GPC5: variants seen among roughly 807,000 people sequenced by gnomAD.
GPC5 encodes glypican 5, also known as glypican-5.
In GPC5, 47 loss-of-function variants were observed where a neutral mutation model predicts 53.9. That is an observed-to-expected ratio of 0.87 (90% CI 0.69 to 1.11). GPC5 has a LOEUF of 1.11. Ranked by LOEUF, GPC5 falls within the 50% of genes most tolerant of loss-of-function variation. The pLI is 0.00. For missense variants in GPC5, 748 were observed against 713.1 expected (o/e 1.05, Z -0.56); for synonymous variants, 286 against 263.3 (o/e 1.09, Z -0.84).
At chr13:92,547,197 T>C (rs1435941620) in intron 7 of GPC5, among the ~76,000 whole-genome samples, 2 of 152,194 alleles carry the variant, frequency 1.3e-5, no homozygotes, top group Non-Finnish European at 2.9e-5. Flanking sequence ...AAGGGAAATA[T>C]TAATGTTAGT....
intron 7 of GPC5, among the ~76,000 whole-genome samples, chr13:92,206,189 A>G (rs528071931): frequency 3.7e-4 from 50 of 133,582 alleles, no homozygotes; most frequent in African/African-American, 1.2e-3. Flanking sequence ...TTTTTGAGAC[A>G]GAGTCTCGGT....
intron 5 of GPC5, among the ~76,000 whole-genome samples, chr13:91,900,103 A>C (rs1594650701): frequency 6.6e-6 from 1 of 152,192 alleles, no homozygotes; most frequent in Non-Finnish European, 1.5e-5. Context: ...TAATGTAGCC[A>C]GAAGCTTTTT....
At chr13:92,603,007 T>G (rs1884131992) in intron 7 of GPC5, among the ~76,000 whole-genome samples, 1 of 152,200 alleles carries the variant, frequency 6.6e-6, no homozygotes. Context: ...ATGTGCAAAG[T>G]GTTGCCTGCC....
chr13:92,632,413 T>C (rs1885269176), intron 7 of GPC5, among the ~76,000 whole-genome samples: 2 of 149,406 alleles, frequency 1.3e-5, no homozygotes, highest in African/African-American at 4.9e-5. Context: ...GCAAGTTATT[T>C]CTAACATTAT....
intron 2 of GPC5, among the ~76,000 whole-genome samples, chr13:91,497,373 T>G (rs1211202993): frequency 6.6e-6 from 1 of 152,200 alleles, no homozygotes; most frequent in African/African-American, 2.4e-5. Context: ...TAATCTGGAC[T>G]AGCAACTTTG....
intron 7 of GPC5, chr13:92,720,000 G>A (rs1194309151): frequency 6.6e-6 from 1 of 152,176 alleles, no homozygotes; most frequent in Non-Finnish European, 1.5e-5. Context: ...AAGAGTGCTT[G>A]TTATTCTGTT....
intron 7 of GPC5, among the ~76,000 whole-genome samples, chr13:92,440,540 T>C (rs577871612): frequency 6.6e-6 from 1 of 152,308 alleles, no homozygotes; most frequent in East Asian, 1.9e-4. Context: ...TTTGCTATTG[T>C]GAACAGTGTG....
At chr13:92,831,951 T>C (rs1222549737) in intron 7 of GPC5, among the ~76,000 whole-genome samples, 1 of 152,190 alleles carries the variant, frequency 6.6e-6, no homozygotes, top group Non-Finnish European at 1.5e-5. Flanking sequence ...CACTCATCCC[T>C]AAATCCATTA....
chr13:91,666,049 C>A (rs969434728), intron 2 of GPC5, among the ~76,000 whole-genome samples: 12 of 152,170 alleles, frequency 7.9e-5, no homozygotes, highest in African/African-American at 2.9e-4. Flanking sequence ...CAAAGAAGCC[C>A]ATTCTATTTT....
intron 6 of GPC5, among the ~76,000 whole-genome samples, chr13:91,930,326 AG>A (rs2039809648): frequency 6.6e-6 from 1 of 152,146 alleles, no homozygotes; most frequent in African/African-American, 2.4e-5. Flanking sequence ...AAAGGAATAA[AG>A]AAAAAACACA....
intron 5 of GPC5, among the ~76,000 whole-genome samples, chr13:91,896,117 ATTTTT>A (rs1185370619): frequency 1.6e-5 from 2 of 128,008 alleles, no homozygotes; most frequent in Admixed American, 7.8e-5. Context: ...ATTTTTTCTA[ATTTTT>A]TTTTTTTTTT....
At chr13:92,017,897 C>G (rs1405089519) in intron 6 of GPC5, among the ~76,000 whole-genome samples, 1 of 151,692 alleles carries the variant, frequency 6.6e-6, no homozygotes, top group Non-Finnish European at 1.5e-5. Context: ...CCACAAAATA[C>G]ACACGTACAC....
intron 2 of GPC5, among the ~76,000 whole-genome samples, chr13:91,501,004 TG>T (rs1279013398): frequency 6.6e-6 from 1 of 152,138 alleles, no homozygotes; most frequent in African/African-American, 2.4e-5. Flanking sequence ...CTGCCGTGAT[TG>T]GGAGGCCTCC....
At chr13:91,461,066 G>A (rs187462825) in intron 2 of GPC5, among the ~76,000 whole-genome samples, 1 of 152,266 alleles carries the variant, frequency 6.6e-6, no homozygotes, top group East Asian at 1.9e-4. Context: ...GACCCAGAGA[G>A]TGAGAACAGT....
Position 92,347,882 on chromosome 13 carries a change from T to TATATATATTATATATATAA in GPC5, c.1561+202893_1561+202894insATATATATTATATATATAA, listed in dbSNP as rs1491589093. The stretch of plus-strand genomic sequence containing the variant: ...ATATATATTATATATATAATATATA[T>TATATATATTATATATATAA]TATATATATTATATATATAATATAT... On this transcript the variant is annotated intron_variant, in intron 7 of 7. Coordinates refer to ENST00000377067, the MANE Select transcript of GPC5 (RefSeq NM_004466.6). Among the ~76,000 whole-genome samples, 8 of 2,336 alleles carry TATATATATTATATATATAA rather than the reference T, an allele frequency of 3.4e-3. 1 individual carries two copies. The highest frequency in any genetic ancestry group is 0.019 in the South Asian group (1 of 54). 1.5% of individuals were successfully genotyped at this position (2,336 alleles called of 152,430 possible). A position where few individuals can be genotyped will look rare whatever the true frequency, so the allele number is the denominator to read the frequency against.
intron 2 of GPC5, among the ~76,000 whole-genome samples, chr13:91,572,257 A>ATGTG (rs2031951688): frequency 6.8e-6 from 1 of 146,324 alleles, no homozygotes; most frequent in Non-Finnish European, 1.5e-5. Context: ...ATATATACAC[A>ATGTG]TATGTATATA....
intron 2 of GPC5, among the ~76,000 whole-genome samples, chr13:91,581,392 T>C (rs910582301): frequency 1.3e-5 from 2 of 152,188 alleles, no homozygotes; most frequent in African/African-American, 2.4e-5. Flanking sequence ...TTCTAGATTT[T>C]GTTTTCAGTT....
chr13:91,488,958 G>C (rs925556126), intron 2 of GPC5, among the ~76,000 whole-genome samples: 12 of 152,184 alleles, frequency 7.9e-5, no homozygotes, highest in Admixed American at 7.9e-4. Flanking sequence ...GTCTTTTATG[G>C]TCGTAGCTGT....
chr13:92,033,036 CGT>C (rs60958496), intron 6 of GPC5, among the ~76,000 whole-genome samples: 45,086 of 138,840 alleles, frequency 0.32, 7,762 homozygotes, highest in East Asian at 0.55. Context: ...TAGTTATTGT[CGT>C]GTGTGTGTGT....
Sources: gnomAD v4.1 joint callset for allele counts (sites outside exome capture counted in the v4.1 genomes callset) on GRCh38, gnomAD v4.1.1 for gene constraint, MANE v1.5 for transcripts, NCBI Gene and HGNC (gene_info 2026-07-23, HGNC 2026-07-21) for gene names.